MTMR8: variants seen among roughly 807,000 people sequenced by gnomAD.
The protein encoded by MTMR8 is myotubularin related protein 8, also known as phosphatidylinositol-3,5-bisphosphate 3-phosphatase MTMR8.
Under a neutral mutation model 39.3 loss-of-function variants are expected in MTMR8, and 65 were observed. The observed-to-expected ratio is 1.65, with a 90% CI of 1.35 to 2.03. The LOEUF (loss-of-function observed/expected upper bound fraction) is 2.03, where lower values mean the gene tolerates loss of function less well. MTMR8 is among the 30% of genes most tolerant of loss of function. The pLI is 0.00. For synonymous variants in MTMR8, 245 were observed against 185.2 expected (o/e 1.32, Z -2.62); for missense variants, 777 against 538.9 (o/e 1.44, Z -4.37).
chrX:64,390,051 GTTTC>G (rs1924655808), intron 1 of MTMR8, among the ~76,000 whole-genome samples: 1 of 111,563 alleles, frequency 9.0e-6, no homozygotes, highest in African/African-American at 3.3e-5. Context: ...CCAGTTTTAT[GTTTC>G]TTTATTTTGA....
chrX:64,327,595 C>T (rs1438329628), intron 12 of MTMR8, among the ~76,000 whole-genome samples: 1 of 112,263 alleles, frequency 8.9e-6, no homozygotes, highest in Non-Finnish European at 1.9e-5. Flanking sequence ...TAAATTCGTA[C>T]ATTCATTATG....
At chrX:64,289,363 G>T (rs891959182) in intron 12 of MTMR8, among the ~76,000 whole-genome samples, 2 of 110,697 alleles carry the variant, frequency 1.8e-5, no homozygotes, top group African/African-American at 3.3e-5. Context: ...AAACACTATG[G>T]TGCTTCCTCA....
At chrX:64,296,031 C>A (rs1921568011) in intron 12 of MTMR8, among the ~76,000 whole-genome samples, 1 of 111,868 alleles carries the variant, frequency 8.9e-6, no homozygotes, top group Non-Finnish European at 1.9e-5. Flanking sequence ...AAATTATTAG[C>A]CAAAGCTAAA....
chrX:64,389,065 T>C (rs1924632775), intron 1 of MTMR8, among the ~76,000 whole-genome samples: 1 of 111,979 alleles, frequency 8.9e-6, no homozygotes, highest in Non-Finnish European at 1.9e-5. Flanking sequence ...GCTTAAGCTT[T>C]CTGGATGCTT....
intron 12 of MTMR8, among the ~76,000 whole-genome samples, chrX:64,284,105 T>A (rs766586339): frequency 1.1e-4 from 12 of 111,553 alleles, no homozygotes; most frequent in African/African-American, 3.9e-4. Flanking sequence ...CTAACTAGAA[T>A]AACCAATGCA....
chrX:64,375,271 C>T (rs1395235690), intron 1 of MTMR8, among the ~76,000 whole-genome samples: 1 of 108,858 alleles, frequency 9.2e-6, no homozygotes, highest in African/African-American at 3.4e-5. Context: ...GGGAGGATTG[C>T]CTGAGCTTGG....
intron 1 of MTMR8, among the ~76,000 whole-genome samples, chrX:64,367,414 A>G (rs1030064285): frequency 3.6e-5 from 4 of 112,026 alleles, no homozygotes; most frequent in Non-Finnish European, 7.5e-5. Context: ...ATCCACCATG[A>G]TCAATTTGGC....
intron 2 of MTMR8, among the ~76,000 whole-genome samples, chrX:64,358,907 C>A (rs958559473): frequency 4.1e-4 from 45 of 108,458 alleles, no homozygotes; most frequent in East Asian, 5.8e-4. Context: ...AAAATCCTGT[C>A]TTAGGACAGA....
At chrX:64,371,162 C>T (rs906266708) in intron 1 of MTMR8, among the ~76,000 whole-genome samples, 2 of 111,697 alleles carry the variant, frequency 1.8e-5, no homozygotes, top group African/African-American at 6.5e-5. Context: ...AATCAATTAA[C>T]AAATCAATCA....
At position 64,395,429 on chromosome X, in the gene MTMR8, G is replaced by A; in HGVS notation, c.-66C>T. Reference sequence around the variant, plus strand: ...AGATGCCGCCGCCACCGGTCTAGCCGCCTCCTGCCTCAACCCGGGTTTCTA... The same window carrying A: ...AGATGCCGCCGCCACCGGTCTAGCCACCTCCTGCCTCAACCCGGGTTTCTA... On this transcript the variant is annotated 5_prime_UTR_variant, in exon 1 of 14. Transcript: ENST00000374852. 8.9e-7 allele frequency: 1 copy of A among 1,122,428 alleles called. No individual in the cohort carries two copies. Among genetic ancestry groups the A allele is most frequent in the Non-Finnish European group, 1.2e-6 (1 of 820,371 alleles). 92.5% of individuals were successfully genotyped at this position (1,122,428 alleles called of 1,213,427 possible).
chrX:64,269,184 C>T, intron 13 of MTMR8, 141 bp from the exon 14 acceptor site: 2 of 553,655 alleles, frequency 3.6e-6, no homozygotes, highest in Admixed American at 3.8e-5. Flanking sequence ...TCCCCCACAA[C>T]ATCTTTCCCT....
chrX:64,328,302 C>G (rs1249090463), intron 12 of MTMR8, among the ~76,000 whole-genome samples: 1 of 111,717 alleles, frequency 9.0e-6, no homozygotes, highest in Admixed American at 9.5e-5. Flanking sequence ...TTTACAAAAT[C>G]CTAAAGAATC....
At chrX:64,290,238 T>G (rs913288274) in intron 12 of MTMR8, among the ~76,000 whole-genome samples, 4 of 110,325 alleles carry the variant, frequency 3.6e-5, no homozygotes, top group Non-Finnish European at 5.7e-5. Flanking sequence ...AGGTAAATTT[T>G]AAGTGCATTT....
At chrX:64,384,102 C>T (rs1399995927) in intron 1 of MTMR8, among the ~76,000 whole-genome samples, 3 of 111,701 alleles carry the variant, frequency 2.7e-5, no homozygotes, top group Admixed American at 9.5e-5. Flanking sequence ...AGTTATAGGC[C>T]CCATGCAAGT....
At chrX:64,371,188 TC>T (rs1005068522) in intron 1 of MTMR8, among the ~76,000 whole-genome samples, 6 of 111,618 alleles carry the variant, frequency 5.4e-5, no homozygotes, top group African/African-American at 2.0e-4. Flanking sequence ...AAAAATGTTC[TC>T]CTTATTAATC....
At chrX:64,279,910 G>C (rs943891707) in intron 12 of MTMR8, among the ~76,000 whole-genome samples, 4 of 111,999 alleles carry the variant, frequency 3.6e-5, no homozygotes, top group Non-Finnish European at 7.5e-5. Flanking sequence ...ACAAATGGGT[G>C]CTGGGAAAAC....
chrX:64,331,407 C>A lies in MTMR8; in HGVS notation c.1352+150G>T. ...GGGTTCTGAGAGATCTCTGTGCAAACATTGAGTGCTTTATGCTTCAAAAGT... is the reference window on the plus strand; with the variant it reads ...GGGTTCTGAGAGATCTCTGTGCAAAAATTGAGTGCTTTATGCTTCAAAAGT... On this transcript the variant is annotated intron_variant, in intron 11 of 13. Transcript: ENST00000374852. The A allele has an allele frequency of 2.1e-5, 10 of 474,603 alleles. No individual in the cohort carries two copies. In the South Asian group the frequency reaches 3.0e-4, roughly 14 times the overall value. 39.1% of individuals were successfully genotyped at this position (474,603 alleles called of 1,213,427 possible). A position where few individuals can be genotyped will look rare whatever the true frequency, so the allele number is the denominator to read the frequency against.
Position 64,342,140 on chromosome X carries a change from C to A in MTMR8, c.975+1471G>T, listed in dbSNP as rs745934009. On this transcript the variant is annotated intron_variant, in intron 8 of 13. Transcript: ENST00000374852. ...GATCAGACATGTTCAAGAAAAATAA[C>A]TTTAGTAGCAATTTGGTTCCCGAAC... Among the ~76,000 whole-genome samples, 8 of 112,187 alleles carry A rather than the reference C, an allele frequency of 7.1e-5. No individual in the cohort carries two copies. In the South Asian group the frequency reaches 3.0e-3, roughly 42 times the overall value.
At position 64,343,568 on chromosome X, in the gene MTMR8, C is replaced by T. The variant is rs370378056; in HGVS notation, c.975+43G>A. On this transcript the variant is annotated intron_variant, in intron 8 of 13. Coordinates refer to ENST00000374852, the MANE Select transcript of MTMR8 (RefSeq NM_017677.4). The stretch of plus-strand genomic sequence containing the variant: ...GGCACACTACTACTTCAATATATCC[C>T]ATAATTAAAGTCAGTGCAAATTTTA... 5.7e-5 allele frequency: 47 copies of T among 828,585 alleles called. No homozygotes were observed. In the African/African-American group the frequency reaches 7.7e-4, roughly 14 times the overall value. The allele number at this position is 828,585 out of a possible 1,213,427, so 68.3% of individuals were successfully genotyped here. A position where few individuals can be genotyped will look rare whatever the true frequency, so the allele number is the denominator to read the frequency against.
Sources: allele counts gnomAD v4.1 joint callset (sites outside exome capture counted in the v4.1 genomes callset), GRCh38; gene constraint gnomAD v4.1.1; transcripts MANE v1.5; gene names NCBI Gene and HGNC (gene_info 2026-07-23, HGNC 2026-07-21).